The following PCMTD1 variants were observed in gnomAD, a reference collection of about 807,000 sequenced individuals.
PCMTD1 encodes protein-L-isoaspartate (D-aspartate) O-methyltransferase domain containing 1, also known as protein-L-isoaspartate O-methyltransferase domain-containing protein 1.
Under a neutral mutation model 37.6 loss-of-function variants are expected in PCMTD1, and 12 were observed. The ratio of observed to expected loss-of-function variants is 0.32; its 90% CI spans 0.20 to 0.52. PCMTD1 has a LOEUF of 0.52. PCMTD1 is among the 20% of genes least tolerant of loss of function. PCMTD1 has a pLI of 0.97. For missense variants in PCMTD1, 235 were observed against 421.3 expected, an observed-to-expected ratio of 0.56 and a Z score of 3.87; for synonymous variants, 117 against 135.8, an observed-to-expected ratio of 0.86 and a Z score of 0.96.
In PCMTD1 at chr8:51,831,977, T is replaced by C. The variant is rs148578601; in HGVS notation, c.583-410A>G. ...ATGTTGACTTCATGCTCTTCCATGA[T>C]ATTAATGGAATATAGATTCTAATTC... On this transcript the variant is annotated intron_variant, in intron 4 of 5. Coordinates refer to ENST00000522514, the MANE Select transcript of PCMTD1 (RefSeq NM_052937.4). Among the ~76,000 whole-genome samples the C allele has an allele frequency of 7.6e-3, 1,159 of 152,332 alleles. 53 individuals carry two copies. The highest frequency in any genetic ancestry group is 0.066 in the Admixed American group (1,014 of 15,298).
At chr8:51,881,781 T>C (rs926617518) in intron 1 of PCMTD1, among the ~76,000 whole-genome samples, 2 of 152,206 alleles carry the variant, frequency 1.3e-5, no homozygotes, top group African/African-American at 4.8e-5. Flanking sequence ...CCACAGAACT[T>C]TGCTCATATC....
chr8:51,841,839 G>A (rs2038150714), intron 3 of PCMTD1, among the ~76,000 whole-genome samples: 1 of 152,118 alleles, frequency 6.6e-6, no homozygotes, highest in African/African-American at 2.4e-5. Flanking sequence ...TCAGCAAACT[G>A]TTTACAGACA....
intron 3 of PCMTD1, among the ~76,000 whole-genome samples, chr8:51,835,468 T>C (rs556501859): frequency 3.3e-5 from 5 of 152,286 alleles, no homozygotes; most frequent in African/African-American, 1.2e-4. Context: ...AAATATAATT[T>C]TTGGCTTTTA....
At chr8:51,828,278 TA>T (rs2037949846) in intron 5 of PCMTD1, among the ~76,000 whole-genome samples, 1 of 152,190 alleles carries the variant, frequency 6.6e-6, no homozygotes, top group African/African-American at 2.4e-5. Flanking sequence ...CAAGTTAGGA[TA>T]ATTTAAACAA....
chr8:51,877,349 G>A (rs1240990404), intron 1 of PCMTD1, among the ~76,000 whole-genome samples: 2 of 152,156 alleles, frequency 1.3e-5, no homozygotes, highest in African/African-American at 4.8e-5. Flanking sequence ...AAAGGTAGAG[G>A]AGAACAAAGG....
In PCMTD1 at chr8:51,828,932, T is replaced by C. The variant is rs1160388454; in HGVS notation, c.706+2512A>G. The stretch of plus-strand genomic sequence containing the variant: ...CTCATGTTTCCAGTCTCCCTTATGA[T>C]AATCCTTTGTTTTTTATCATTCTTA... On this transcript the variant is annotated intron_variant, in intron 5 of 5. Transcript: ENST00000522514. 4.6e-5 allele frequency among the ~76,000 whole-genome samples: 7 copies of C among 152,362 alleles called. No homozygotes were observed. In the East Asian group the frequency reaches 1.3e-3, roughly 29 times the overall value.
At chr8:51,884,198 A>G (rs1056956620) in intron 1 of PCMTD1, among the ~76,000 whole-genome samples, 5 of 152,222 alleles carry the variant, frequency 3.3e-5, no homozygotes, top group African/African-American at 4.8e-5. Flanking sequence ...AAAATAAACC[A>G]GGTGTACCTC....
At chr8:51,843,163 TGTACAAAAG>T (rs2038171458) in intron 3 of PCMTD1, among the ~76,000 whole-genome samples, 2 of 70,360 alleles carry the variant, frequency 2.8e-5, no homozygotes, top group African/African-American at 1.2e-4. Flanking sequence ...GAAACCAAAC[TGTACAAAAG>T]GAACAAAAAA....
chr8:51,879,730 G>A (rs896141251), intron 1 of PCMTD1, among the ~76,000 whole-genome samples: 11 of 152,158 alleles, frequency 7.2e-5, no homozygotes, highest in South Asian at 6.2e-4. Flanking sequence ...CAGGCAAAAC[G>A]TAAAAATGAT....
intron 5 of PCMTD1, among the ~76,000 whole-genome samples, chr8:51,824,156 T>C (rs1284488006): frequency 6.6e-6 from 1 of 152,190 alleles, no homozygotes; most frequent in Non-Finnish European, 1.5e-5. Flanking sequence ...ATGTACTCTC[T>C]CACCACTCCT....
intron 1 of PCMTD1, among the ~76,000 whole-genome samples, chr8:51,875,982 G>A (rs1190658885): frequency 1.3e-5 from 2 of 152,122 alleles, no homozygotes; most frequent in East Asian, 1.9e-4. Context: ...GTGTGTGCAT[G>A]TGCGTGCACG....
At chr8:51,882,199 G>A (rs2038801232) in intron 1 of PCMTD1, among the ~76,000 whole-genome samples, 1 of 152,198 alleles carries the variant, frequency 6.6e-6, no homozygotes, top group East Asian at 1.9e-4. Context: ...CTGGCTTGCC[G>A]ATGGTCACCA....
chr8:51,827,295 TACAGTAGTCTCCCTTTATGC>T (rs2037934195), intron 5 of PCMTD1: 1 of 1,260,108 alleles, frequency 7.9e-7, no homozygotes, highest in Non-Finnish European at 1.0e-6. Flanking sequence ...GAATTTCAAG[TACAGTAGTCTCCCTTTATGC>T]ACAGTTTCAC....
chr8:51,844,199 G>T (rs147254457), intron 3 of PCMTD1, among the ~76,000 whole-genome samples: 248 of 152,218 alleles, frequency 1.6e-3, no homozygotes, highest in African/African-American at 5.4e-3. Flanking sequence ...AAATAATTTG[G>T]AGTAAAAACT....
intron 2 of PCMTD1, among the ~76,000 whole-genome samples, chr8:51,855,482 G>A (rs1221223559): frequency 6.6e-6 from 1 of 151,152 alleles, no homozygotes; most frequent in African/African-American, 2.4e-5. Context: ...GCAGTGAGCT[G>A]CGATCGTGTC....
chr8:51,883,323 A>G (rs941253049), intron 1 of PCMTD1, among the ~76,000 whole-genome samples: 4 of 152,224 alleles, frequency 2.6e-5, no homozygotes, highest in African/African-American at 9.6e-5. Context: ...CAAAGACTGT[A>G]GTACAGATGC....
chr8:51,888,627 T>A, intron 1 of PCMTD1, among the ~76,000 whole-genome samples: 1 of 152,238 alleles, frequency 6.6e-6, no homozygotes, highest in East Asian at 1.9e-4. Flanking sequence ...AACCTTTCTA[T>A]GACCTACTTA....
chr8:51,856,257 AAT>A (rs2038386985), intron 2 of PCMTD1, among the ~76,000 whole-genome samples: 2 of 152,362 alleles, frequency 1.3e-5, no homozygotes, highest in South Asian at 4.1e-4. Context: ...TAAGCACATG[AAT>A]AGCTGTTCCA....
At chr8:51,898,468 T>A (rs904188184) in intron 1 of PCMTD1, among the ~76,000 whole-genome samples, 2 of 150,332 alleles carry the variant, frequency 1.3e-5, no homozygotes, top group Non-Finnish European at 3.0e-5. Context: ...ATTCTCTGCC[T>A]CCAAAACCAA....
Sources: allele counts gnomAD v4.1 joint callset (sites outside exome capture counted in the v4.1 genomes callset), GRCh38; gene constraint gnomAD v4.1.1; transcripts MANE v1.5; gene names NCBI Gene and HGNC (gene_info 2026-07-23, HGNC 2026-07-21).